Variants in PTPRM observed in about 807,000 individuals in gnomAD.
The protein encoded by PTPRM is protein tyrosine phosphatase receptor type M, also known as receptor-type tyrosine-protein phosphatase mu.
A neutral mutation model predicts 186.7 loss-of-function variants in PTPRM; 47 were observed. The ratio of observed to expected loss-of-function variants is 0.25; its 90% CI spans 0.20 to 0.32. The LOEUF (loss-of-function observed/expected upper bound fraction) is 0.32, where lower values mean the gene tolerates loss of function less well. Ranked by LOEUF, PTPRM falls within the 10% of genes least tolerant of loss-of-function variation. The pLI, the probability that PTPRM is intolerant of heterozygous loss-of-function variation, is 1.00. For synonymous variants in PTPRM, 668 were observed against 674.9 expected (o/e 0.99, Z 0.16); for missense variants, 1,494 against 1,865.0 (o/e 0.80, Z 3.66).
chr18:8,348,710 C>T (rs1382670562), intron 23 of PTPRM, among the ~76,000 whole-genome samples: 1 of 152,214 alleles, frequency 6.6e-6, no homozygotes, highest in African/African-American at 2.4e-5. Flanking sequence ...ATAACCAAAT[C>T]TGCAGGACTC....
chr18:8,233,220 G>T (rs922662359), intron 14 of PTPRM, among the ~76,000 whole-genome samples: 11 of 152,232 alleles, frequency 7.2e-5, no homozygotes, highest in Non-Finnish European at 7.3e-5. Context: ...GATTACAGGC[G>T]TAAGCCACTG....
chr18:7,800,012 A>T (rs1049457931), intron 2 of PTPRM, among the ~76,000 whole-genome samples: 1 of 152,178 alleles, frequency 6.6e-6, no homozygotes, highest in Non-Finnish European at 1.5e-5. Context: ...CCCTGCCCTA[A>T]ATCTAGTAAG....
At chr18:7,792,860 T>G (rs563885392) in intron 2 of PTPRM, among the ~76,000 whole-genome samples, 5 of 152,284 alleles carry the variant, frequency 3.3e-5, no homozygotes, top group South Asian at 2.1e-4. Context: ...AGATGGGGTC[T>G]TTCTGTGTTG....
At chr18:7,952,593 G>A (rs915482421) in intron 6 of PTPRM, among the ~76,000 whole-genome samples, 8 of 152,072 alleles carry the variant, frequency 5.3e-5, no homozygotes, top group African/African-American at 1.7e-4. Context: ...CTACTCGGAA[G>A]GCTGAGGCAG....
chr18:8,141,071 G>T (rs116372953), intron 13 of PTPRM, among the ~76,000 whole-genome samples: 258 of 152,276 alleles, frequency 1.7e-3, no homozygotes, highest in Middle Eastern at 6.8e-3. Context: ...AAAGAGGAGA[G>T]AGGAGCATCC....
At chr18:7,613,502 A>T (rs905824534) in intron 1 of PTPRM, among the ~76,000 whole-genome samples, 1 of 152,058 alleles carries the variant, frequency 6.6e-6, no homozygotes, top group Non-Finnish European at 1.5e-5. Flanking sequence ...CTGAAACCTG[A>T]TCTCTACTAA....
In PTPRM at chr18:8,253,345, G is replaced by A; in HGVS notation, c.2685G>A (p.Val895=). ...GGCAGCTCCACCCCGCCATCCGGGT[G>A]GCAGACCTCCTTCAGCACATCACAC... The part of the protein sequence containing the change: ...QTGQLHPAIR[V]ADLLQHITQM... Residue 895 remains valine, a synonymous_variant, in exon 19 of 33, where the codon GTG becomes GTA. Coordinates refer to ENST00000580170, the MANE Select transcript of PTPRM (RefSeq NM_001105244.2). 2 of 1,598,144 alleles carry A rather than the reference G, an allele frequency of 1.3e-6. No individual in the cohort carries two copies. Among genetic ancestry groups the A allele is most frequent in the South Asian group, 1.1e-5 (1 of 88,300 alleles).
intron 14 of PTPRM, among the ~76,000 whole-genome samples, chr18:8,198,733 A>G (rs1457368455): frequency 6.6e-6 from 1 of 152,096 alleles, no homozygotes; most frequent in Non-Finnish European, 1.5e-5. Context: ...AGTGGGATTG[A>G]CTGCTGTCTT....
chr18:7,735,587 A>T (rs1467171019), intron 1 of PTPRM, among the ~76,000 whole-genome samples: 1 of 138,150 alleles, frequency 7.2e-6, no homozygotes, highest in Non-Finnish European at 1.5e-5. Flanking sequence ...ATATACCTAA[A>T]AAATATACCT....
At chr18:7,795,788 CGCAT>C (rs2043599923) in intron 2 of PTPRM, among the ~76,000 whole-genome samples, 1 of 148,866 alleles carries the variant, frequency 6.7e-6, no homozygotes. Context: ...CTATTTTTAT[CGCAT>C]TTTTTCTTTC....
chr18:8,253,325 C>T lies in PTPRM; in HGVS notation c.2665C>T (p.Leu889Phe). The change falls in exon 19 of 33, where the codon CTC becomes TTC. Residue 889 changes from leucine to phenylalanine, a missense_variant. Leu to Phe is a conservative substitution (Grantham distance 22). Around this residue, in one of 3 missense-constraint regions of PTPRM, gnomAD observed 1,107 missense variants for 1,350.2 expected, o/e 0.82. Coordinates refer to ENST00000580170, the MANE Select transcript of PTPRM (RefSeq NM_001105244.2). ...CGACGTGCCCTATCAGACTGGGCAG[C>T]TCCACCCCGCCATCCGGGTGGCAGA... ...PADVPYQTGQ[L>F]HPAIRVADLL... 2 of 1,598,222 alleles carry T rather than the reference C, an allele frequency of 1.3e-6. No individual in the cohort carries two copies. The highest frequency in any genetic ancestry group is 1.1e-5 in the South Asian group (1 of 88,224).
chr18:8,363,206 C>T (rs554900004), intron 23 of PTPRM, among the ~76,000 whole-genome samples: 9 of 152,280 alleles, frequency 5.9e-5, no homozygotes, highest in Middle Eastern at 3.4e-3. Context: ...CCCAGCTTTA[C>T]GTTATGTGTT....
At chr18:7,778,269 T>C (rs2042686314) in intron 2 of PTPRM, among the ~76,000 whole-genome samples, 1 of 152,082 alleles carries the variant, frequency 6.6e-6, no homozygotes, top group Admixed American at 6.6e-5. Context: ...AAATACTAAA[T>C]GCCGTTTAAA....
intron 19 of PTPRM, among the ~76,000 whole-genome samples, chr18:8,291,348 A>G (rs533049490): frequency 6.6e-6 from 1 of 152,322 alleles, no homozygotes; most frequent in Admixed American, 6.5e-5. Context: ...CCTCCCAGAG[A>G]CCAGAAGCCA....
intron 13 of PTPRM, among the ~76,000 whole-genome samples, chr18:8,129,651 T>A (rs914520708): frequency 6.6e-6 from 1 of 152,208 alleles, no homozygotes; most frequent in Admixed American, 6.5e-5. Context: ...ACTATTATTA[T>A]AAAATACCTA....
At chr18:7,654,701 T>C (rs2038807623) in intron 1 of PTPRM, among the ~76,000 whole-genome samples, 1 of 152,218 alleles carries the variant, frequency 6.6e-6, no homozygotes, top group African/African-American at 2.4e-5. Context: ...ATTTATTGAA[T>C]AGGGAGTCCT....
At chr18:8,380,657 A>G (rs2095727811) in intron 29 of PTPRM, among the ~76,000 whole-genome samples, 1 of 152,248 alleles carries the variant, frequency 6.6e-6, no homozygotes. Flanking sequence ...GGTTGAGGTG[A>G]CAGGGCAAGA....
chr18:8,225,593 T>C (rs1483456238), intron 14 of PTPRM, among the ~76,000 whole-genome samples: 1 of 152,212 alleles, frequency 6.6e-6, no homozygotes, highest in East Asian at 1.9e-4. Flanking sequence ...AGCCGTTGCT[T>C]CTAGGCTCAC....
intron 11 of PTPRM, among the ~76,000 whole-genome samples, chr18:8,100,246 C>A (rs765559099): frequency 2.0e-5 from 3 of 152,058 alleles, no homozygotes; most frequent in Non-Finnish European, 2.9e-5. Context: ...TCAAGCAGTT[C>A]TTCTTCTGCC....
Sources: gnomAD v4.1 joint callset for allele counts (sites outside exome capture counted in the v4.1 genomes callset) on GRCh38, gnomAD v4.1.1 for gene constraint, gnomAD v4.1.1 regional missense constraint, MANE v1.5 for transcripts, NCBI Gene and HGNC (gene_info 2026-07-23, HGNC 2026-07-21) for gene names.